The following GVQW3 variants were observed in gnomAD, a reference collection of about 807,000 sequenced individuals.
The protein encoded by GVQW3 is protein GVQW3.
In GVQW3, 7 loss-of-function variants were observed where a neutral mutation model predicts 12.5. The ratio of observed to expected loss-of-function variants is 0.56; its 90% CI spans 0.32 to 1.05. The LOEUF is 1.05. Among genes scored for constraint, GVQW3 ranks in the 50% least tolerant of loss-of-function variants. The pLI is 0.04. For synonymous variants in GVQW3, 71 were observed against 67.2 expected (o/e 1.06, Z -0.28); for missense variants, 188 against 190.8 (o/e 0.99, Z 0.09).
At chr11:76,398,146 A>G (rs1946956463) in intron 1 of GVQW3, among the ~76,000 whole-genome samples, 1 of 151,788 alleles carries the variant, frequency 6.6e-6, no homozygotes, top group Non-Finnish European at 1.5e-5. Flanking sequence ...AAAAAAAAAA[A>G]AAAAGAAAGA....
intron 1 of GVQW3, among the ~76,000 whole-genome samples, chr11:76,391,877 C>G (rs2134547435): frequency 6.6e-6 from 1 of 152,338 alleles, no homozygotes; most frequent in East Asian, 1.9e-4. Flanking sequence ...TCACTTGGAC[C>G]TGGGAGGTGG....
intron 1 of GVQW3, chr11:76,382,975 G>A (rs3758780): frequency 0.18 from 27,412 of 153,580 alleles, 3,364 homozygotes; most frequent in African/African-American, 0.35. Flanking sequence ...ATCTGGCCCA[G>A]ATGACTCAGT....
downstream of GVQW3, among the ~76,000 whole-genome samples, chr11:76,410,689 A>T (rs985365366): frequency 1.3e-5 from 2 of 152,208 alleles, no homozygotes; most frequent in Non-Finnish European, 2.9e-5. Flanking sequence ...GAGGGCCTGG[A>T]GAGAGCTGAG....
chr11:76,397,704 T>C (rs986568489), intron 1 of GVQW3, among the ~76,000 whole-genome samples: 4 of 152,230 alleles, frequency 2.6e-5, no homozygotes, highest in African/African-American at 9.6e-5. Flanking sequence ...GTCTACTGTA[T>C]AAACACAGGA....
Position 76,407,910 on chromosome 11 carries a change from A to C in GVQW3, c.*4152A>C, listed in dbSNP as rs1475009773. On this transcript the variant is annotated 3_prime_UTR_variant, in exon 2 of 2. Coordinates refer to ENST00000529331, the MANE Select transcript of GVQW3 (RefSeq NM_001347885.2). ...TAAAACAGACTATAAAACCACATGC[A>C]TTATATAGTCCCATTTTTACTTTCT... 1.3e-5 allele frequency: 2 copies of C among 149,114 alleles called. No individual in the cohort carries two copies. The highest frequency in any genetic ancestry group is 4.9e-5 in the African/African-American group (2 of 40,582). The allele number at this position is 149,114 out of a possible 1,614,324, so 9.2% of individuals were successfully genotyped here. A position where few individuals can be genotyped will look rare whatever the true frequency, so the allele number is the denominator to read the frequency against.
chr11:76,410,077 T>A (rs746607121), downstream of GVQW3, among the ~76,000 whole-genome samples: 3 of 151,522 alleles, frequency 2.0e-5, no homozygotes, highest in Non-Finnish European at 4.4e-5. Flanking sequence ...GGCAACAGAG[T>A]AAGACCCCAT....
intron 1 of GVQW3, among the ~76,000 whole-genome samples, chr11:76,401,110 CA>C (rs1460865873): frequency 2.7e-5 from 4 of 149,456 alleles, no homozygotes; most frequent in Non-Finnish European, 6.0e-5. Flanking sequence ...TGGGCTCAAG[CA>C]ATCTGCCCAC....
intron 1 of GVQW3, among the ~76,000 whole-genome samples, chr11:76,391,603 C>T (rs370860275): frequency 1.3e-5 from 2 of 152,180 alleles, no homozygotes; most frequent in South Asian, 4.1e-4. Flanking sequence ...GAAGTCCACT[C>T]CTAGAGTTCG....
At chr11:76,389,369 TG>T (rs1341801145) in intron 1 of GVQW3, among the ~76,000 whole-genome samples, 1 of 152,216 alleles carries the variant, frequency 6.6e-6, no homozygotes, top group Non-Finnish European at 1.5e-5. Flanking sequence ...CATCTAGAGC[TG>T]GCAGTGGAGA....
chr11:76,385,863 A>G (rs535079933), intron 1 of GVQW3, among the ~76,000 whole-genome samples: 1 of 152,302 alleles, frequency 6.6e-6, no homozygotes, highest in Non-Finnish European at 1.5e-5. Flanking sequence ...CAGTTTCTCA[A>G]GGAGGCAATA....
intron 1 of GVQW3, among the ~76,000 whole-genome samples, chr11:76,403,184 G>A (rs1947007771): frequency 1.3e-5 from 2 of 152,176 alleles, no homozygotes; most frequent in Admixed American, 6.5e-5. Context: ...CTGACCTCAT[G>A]ATCCGCCTGC....
At chr11:76,392,679 T>A (rs914846075) in intron 1 of GVQW3, 2 of 152,226 alleles carry the variant, frequency 1.3e-5, no homozygotes, top group African/African-American at 4.8e-5. Context: ...AAGGAACATA[T>A]TTATAGCATA....
intron 1 of GVQW3, chr11:76,389,522 T>C (rs1476863985): frequency 5.9e-5 from 9 of 152,234 alleles, no homozygotes; most frequent in Non-Finnish European, 1.3e-4. Context: ...CGTGTGACTA[T>C]GTGACCATAA....
chr11:76,412,595 C>T (rs1947086925), downstream of GVQW3: 2 of 152,234 alleles, frequency 1.3e-5, no homozygotes, highest in Non-Finnish European at 2.9e-5. Flanking sequence ...TCTTTGCTGG[C>T]TGAGGTCACC....
chr11:76,397,953 T>A (rs181060575), intron 1 of GVQW3, among the ~76,000 whole-genome samples: 70 of 152,050 alleles, frequency 4.6e-4, no homozygotes, highest in Admixed American at 2.6e-3. Context: ...CTGGCCAACA[T>A]GGTGAAACCC....
intron 1 of GVQW3, among the ~76,000 whole-genome samples, chr11:76,393,460 C>G (rs1946911431): frequency 6.6e-6 from 1 of 152,204 alleles, no homozygotes; most frequent in African/African-American, 2.4e-5. Context: ...AAGACCATCC[C>G]CTACACTGCT....
At position 76,381,527 on chromosome 11, in the gene GVQW3, A is replaced by T; in HGVS notation, c.-302A>T. 1 of 313,814 alleles carries T rather than the reference A, an allele frequency of 3.2e-6. No homozygotes were observed. The allele number at this position is 313,814 out of a possible 1,614,324, so 19.4% of individuals were successfully genotyped here. On this transcript the variant is annotated 5_prime_UTR_variant, in exon 1 of 2. Transcript: ENST00000529331. ...CCTTAAGGGCCGCGGAATCGGAGCG[A>T]CCTTGGTGACTGGCAAACTCTCGGC...
At chr11:76,396,506 A>G (rs1252973208) in intron 1 of GVQW3, among the ~76,000 whole-genome samples, 1 of 151,846 alleles carries the variant, frequency 6.6e-6, no homozygotes, top group African/African-American at 2.4e-5. Flanking sequence ...GTAGGGATAG[A>G]GTTTCATCAC....
chr11:76,391,326 T>C (rs966140874), intron 1 of GVQW3, among the ~76,000 whole-genome samples: 3 of 152,238 alleles, frequency 2.0e-5, no homozygotes, highest in African/African-American at 7.2e-5. Flanking sequence ...AAATGCATAG[T>C]GTCATTGCTA....
Sources: gnomAD v4.1 joint callset for allele counts (sites outside exome capture counted in the v4.1 genomes callset) on GRCh38, gnomAD v4.1.1 for gene constraint, MANE v1.5 for transcripts, NCBI Gene and HGNC (gene_info 2026-07-23, HGNC 2026-07-21) for gene names.